ZNFX1: variants seen among roughly 807,000 people sequenced by gnomAD.
The protein encoded by ZNFX1 is NFX1-type zinc finger-containing protein 1.
In ZNFX1, 78 loss-of-function variants were observed where a neutral mutation model predicts 179.8. That is an observed-to-expected ratio of 0.43 (90% CI 0.36 to 0.52). The LOEUF is 0.52. Ranked by LOEUF, ZNFX1 falls within the 20% of genes least tolerant of loss-of-function variation. The probability of loss-of-function intolerance (pLI) is 0.00; values close to 1 mark genes in which losing one functional copy is unlikely to be tolerated. For missense variants in ZNFX1, 1,927 were observed against 2,386.6 expected (o/e 0.81, Z 4.01); for synonymous variants, 848 against 868.5 (o/e 0.98, Z 0.42).
intron 6 of ZNFX1, among the ~76,000 whole-genome samples, chr20:49,262,944 A>T (rs1345249316): frequency 6.6e-6 from 1 of 152,230 alleles, no homozygotes; most frequent in Admixed American, 6.5e-5. Flanking sequence ...ATAAGTTTAC[A>T]AATATCACCT....
chr20:49,253,594 G>A (rs1327407230), intron 11 of ZNFX1, 72 bp downstream of exon 11: 1 of 1,586,154 alleles, frequency 6.3e-7, no homozygotes, highest in African/African-American at 1.3e-5. Flanking sequence ...TTGAAGCAGA[G>A]GCCAGGGTCT....
At position 49,266,213 on chromosome 20, in the gene ZNFX1, C is replaced by T. The variant is rs1981229226; in HGVS notation, c.1924G>A (p.Val642Ile). Residue 642 changes from valine to isoleucine, a missense_variant, in exon 4 of 14, where the codon GTT becomes ATT. Transcript: ENST00000396105. ...IVQALLTNES[V>I]WQISLQKFPI... Reference sequence around the variant, plus strand: ...AACTTCTGGAGGCTAATTTGCCAAACAGACTCGTTGGTTAGGAGGGCCTGA... The same window carrying T: ...AACTTCTGGAGGCTAATTTGCCAAATAGACTCGTTGGTTAGGAGGGCCTGA... The T allele has an allele frequency of 6.2e-7, 1 of 1,612,976 alleles. No homozygotes were observed. The highest frequency in any genetic ancestry group is 8.5e-7 in the Non-Finnish European group (1 of 1,179,634).
chr20:49,249,805 C>T (rs1018751960), intron 13 of ZNFX1, 94 bp from the exon 14 acceptor site: 2 of 1,373,148 alleles, frequency 1.5e-6, no homozygotes, highest in East Asian at 2.3e-5. Context: ...TTACTCTGCT[C>T]CAGAGAGAGA....
rs748193763 is a variant in ZNFX1 at position 49,270,693 on chromosome 20, G to C, written c.1119C>G (p.Phe373Leu). ...DSTAIYLDTH[F>L]RLLREDFVRP... ...TGACGAAATCTTCTCGCAGGAGCCG[G>C]AAGTGGGTATCCAGATAGATAGCAG... The change falls in exon 3 of 14, where the codon TTC (phenylalanine) becomes TTG (leucine). Residue 373 changes from phenylalanine to leucine, a missense_variant. Coordinates refer to ENST00000396105, the MANE Select transcript of ZNFX1 (RefSeq NM_021035.3). This position sits in a 1 kb window ranked among gnomAD's most constrained non-coding sequence, Gnocchi z 4.6. 1.2e-6 allele frequency: 2 copies of C among 1,614,176 alleles called. No individual in the cohort carries two copies. The highest frequency in any genetic ancestry group is 1.3e-5 in the African/African-American group (1 of 75,040).
intron 5 of ZNFX1, among the ~76,000 whole-genome samples, chr20:49,264,362 T>C (rs1402392273): frequency 6.6e-6 from 1 of 152,210 alleles, no homozygotes; most frequent in Non-Finnish European, 1.5e-5. Flanking sequence ...CTGTTCTCTC[T>C]CTTTTCCTTA....
At position 49,249,410 on chromosome 20, in the gene ZNFX1, T is replaced by C. The variant is rs1270789445; in HGVS notation, c.3614A>G (p.Glu1205Gly). 6.2e-7 allele frequency: 1 copy of C among 1,614,106 alleles called. No individual in the cohort carries two copies. Among genetic ancestry groups the C allele is most frequent in the East Asian group, 2.2e-5 (1 of 44,886 alleles). ...TATCTGCAGAAAACCCACCTTGCCT[T>C]CTTGGTTGCTCCGCACTAGCGAGAG... ...ILLSLVRSNQ[E>G]GKVGFLQISN... Residue 1205 changes from glutamate (E) to glycine (G), a missense_variant, in exon 14 of 14, where the codon GAA becomes GGA. Coordinates refer to ENST00000396105, the MANE Select transcript of ZNFX1 (RefSeq NM_021035.3).
chr20:49,254,435 A>C, intron 10 of ZNFX1, 60 bp downstream of exon 10: 2 of 1,594,188 alleles, frequency 1.3e-6, no homozygotes, highest in South Asian at 2.2e-5. Context: ...CTGTCCTTAG[A>C]TAATCTGGCA....
intron 9 of ZNFX1, among the ~76,000 whole-genome samples, chr20:49,254,909 G>T (rs949462355): frequency 6.6e-6 from 1 of 152,074 alleles, no homozygotes; most frequent in African/African-American, 2.4e-5. Context: ...AAAACTTTGG[G>T]AAGAATTCTC....
At chr20:49,252,383 C>T (rs188848475) in intron 12 of ZNFX1, among the ~76,000 whole-genome samples, 3 of 151,574 alleles carry the variant, frequency 2.0e-5, no homozygotes, top group African/African-American at 7.3e-5. Flanking sequence ...CTCAGGTGAT[C>T]TGCCCACCTT....
rs781451100 is a variant in ZNFX1 at position 49,249,438 on chromosome 20, G to T, written c.3586C>A (p.Leu1196Ile). Residue 1196 changes from leucine (L) to isoleucine (I), a missense_variant, in exon 14 of 14, where the codon CTC (leucine) becomes ATC (isoleucine). Leu to Ile is a conservative substitution (Grantham distance 5). Transcript: ENST00000396105. The part of the protein sequence containing the change: ...KYQGEENDII[L>I]LSLVRSNQEG... ...TGGTTGCTCCGCACTAGCGAGAGGA[G>T]GATGATGTCATTCTCTTCCCCTTGG... 2 of 1,614,260 alleles carry T rather than the reference G, an allele frequency of 1.2e-6. No homozygotes were observed. Among genetic ancestry groups the T allele is most frequent in the Admixed American group, 3.3e-5 (2 of 60,024 alleles).
In ZNFX1 at chr20:49,248,646, G is replaced by A. The variant is rs754782901; in HGVS notation, c.4378C>T (p.Arg1460Cys). 18 of 1,613,692 alleles carry A rather than the reference G, an allele frequency of 1.1e-5. No individual in the cohort carries two copies. Among genetic ancestry groups the A allele is most frequent in the Middle Eastern group, 1.6e-4 (1 of 6,084 alleles). The change falls in exon 14 of 14, where the codon CGC becomes TGC. Residue 1460 changes from arginine (R) to cysteine (C), a missense_variant. Transcript: ENST00000396105. This position sits in a 1 kb window ranked among gnomAD's most constrained non-coding sequence, Gnocchi z 4.6. ...AGGCGCTTGCAGGGCTGCTGACAGC[G>A]TTCATGGAAACGCCCTTCGAAGCAG... ...HSCFEGRFHE[R>C]CQQPCKRLLI...
chr20:49,253,065 G>A (rs765167559), intron 11 of ZNFX1, among the ~76,000 whole-genome samples: 15 of 152,188 alleles, frequency 9.9e-5, no homozygotes, highest in Non-Finnish European at 1.5e-4. Flanking sequence ...CCTCTGAACA[G>A]TGACATCTGA....
At chr20:49,266,370 A>G in intron 3 of ZNFX1, 104 bp from the exon 4 acceptor site, 3 of 1,130,764 alleles carry the variant, frequency 2.7e-6, no homozygotes, top group Non-Finnish European at 3.6e-6. Context: ...ACATTAAGAT[A>G]GTTTAAAATC....
chr20:49,277,169 G>T (rs1187423288), intron 1 of ZNFX1, among the ~76,000 whole-genome samples: 3 of 152,182 alleles, frequency 2.0e-5, no homozygotes, highest in African/African-American at 7.2e-5. Context: ...CTGGCCTGGA[G>T]TCAGAATGAG....
intron 7 of ZNFX1, among the ~76,000 whole-genome samples, chr20:49,259,387 GTATC>G (rs1329497950): frequency 1.1e-4 from 16 of 150,486 alleles, no homozygotes; most frequent in Admixed American, 1.1e-3. Context: ...CATTTATACT[GTATC>G]TAAGTAACAC....
intron 8 of ZNFX1, among the ~76,000 whole-genome samples, chr20:49,256,524 G>C (rs1487703856): frequency 6.6e-6 from 1 of 152,210 alleles, no homozygotes; most frequent in Admixed American, 6.5e-5. Context: ...GGAAAGCACT[G>C]TTTATGAGAA....
intron 8 of ZNFX1, among the ~76,000 whole-genome samples, chr20:49,256,346 G>A (rs1448679149): frequency 1.3e-5 from 2 of 152,178 alleles, no homozygotes; most frequent in East Asian, 1.9e-4. Context: ...ACCATAGCCT[G>A]TTTCTTGTTC....
chr20:49,266,092 C>A (rs1293132929), intron 4 of ZNFX1, 43 bp downstream of exon 4: 1 of 1,594,926 alleles, frequency 6.3e-7, no homozygotes, highest in African/African-American at 1.4e-5. Context: ...ATGGTTCAAT[C>A]ATCAACATCT....
intron 12 of ZNFX1, among the ~76,000 whole-genome samples, chr20:49,252,146 CT>C (rs201035414): frequency 0.017 from 2,240 of 131,696 alleles, 59 homozygotes; most frequent in South Asian, 0.081. Context: ...TTTTTCTTTT[CT>C]TTTTTTTTTT....
Sources: allele counts gnomAD v4.1 joint callset (sites outside exome capture counted in the v4.1 genomes callset), GRCh38; gene constraint gnomAD v4.1.1; non-coding constraint Gnocchi (gnomAD v3.1); transcripts MANE v1.5; gene names NCBI Gene and HGNC (gene_info 2026-07-23, HGNC 2026-07-21).